Variants in TBC1D8 observed in about 807,000 individuals in gnomAD.
TBC1D8 encodes BUB2-like protein 1.
Under a neutral mutation model 118.8 loss-of-function variants are expected in TBC1D8, and 65 were observed. The ratio of observed to expected loss-of-function variants is 0.55; its 90% CI spans 0.45 to 0.67. The LOEUF (loss-of-function observed/expected upper bound fraction) is 0.67, where lower values mean the gene tolerates loss of function less well. TBC1D8 is among the 30% of genes least tolerant of loss of function. The pLI, the probability that TBC1D8 is intolerant of heterozygous loss-of-function variation, is 0.00. For missense variants in TBC1D8, 1,376 were observed against 1,471.2 expected (o/e 0.94, Z 1.06); for synonymous variants, 566 against 595.8 (o/e 0.95, Z 0.73).
At chr2:101,044,263 A>G (rs1245860697) in intron 5 of TBC1D8, among the ~76,000 whole-genome samples, 1 of 152,234 alleles carries the variant, frequency 6.6e-6, no homozygotes, top group African/African-American at 2.4e-5. Flanking sequence ...CAATTTCACC[A>G]TTCGTTAAAT....
At chr2:101,037,284 C>T (rs1014125298) in intron 8 of TBC1D8, among the ~76,000 whole-genome samples, 1 of 152,232 alleles carries the variant, frequency 6.6e-6, no homozygotes, top group Non-Finnish European at 1.5e-5. Context: ...CAAGGGGCAG[C>T]GCGGCCAGCT....
chr2:101,011,366 C>T (rs1000395132), intron 18 of TBC1D8, 85 bp downstream of exon 18: 29 of 1,322,060 alleles, frequency 2.2e-5, no homozygotes, highest in Non-Finnish European at 3.2e-5. Context: ...AAGGCTGCTA[C>T]AAGAAGAGGG....
At chr2:101,053,284 C>G (rs1682182624) in intron 4 of TBC1D8, among the ~76,000 whole-genome samples, 1 of 152,138 alleles carries the variant, frequency 6.6e-6, no homozygotes. Flanking sequence ...AGGGCACACT[C>G]CGAGGGTGTG....
chr2:101,067,426 G>C (rs1471410929), intron 2 of TBC1D8, among the ~76,000 whole-genome samples: 1 of 152,218 alleles, frequency 6.6e-6, no homozygotes, highest in Non-Finnish European at 1.5e-5. Context: ...CTTGGAGATA[G>C]TGTGGGTTTG....
intron 2 of TBC1D8, among the ~76,000 whole-genome samples, chr2:101,062,930 G>T (rs527319505): frequency 6.6e-6 from 1 of 152,094 alleles, no homozygotes; most frequent in Non-Finnish European, 1.5e-5. Context: ...GTGAGCCACC[G>T]CGCCCAGCCC....
intron 1 of TBC1D8, among the ~76,000 whole-genome samples, chr2:101,119,598 G>C (rs2104230200): frequency 6.6e-6 from 1 of 152,312 alleles, no homozygotes; most frequent in Admixed American, 6.5e-5. Flanking sequence ...GATGTCATTG[G>C]TTTGGGGTGC....
intron 3 of TBC1D8, among the ~76,000 whole-genome samples, chr2:101,055,623 A>G (rs1682377437): frequency 6.6e-6 from 1 of 152,140 alleles, no homozygotes. Context: ...TGTCCTTCAT[A>G]ATCTGGGGTG....
chr2:101,086,093 G>A (rs1424770285), intron 2 of TBC1D8, among the ~76,000 whole-genome samples: 4 of 148,850 alleles, frequency 2.7e-5, no homozygotes, highest in African/African-American at 7.5e-5. Context: ...AGTGAGCTGG[G>A]ATTGTACCAC....
chr2:101,057,017 T>G (rs950205489), intron 3 of TBC1D8, among the ~76,000 whole-genome samples: 2 of 152,176 alleles, frequency 1.3e-5, no homozygotes, highest in Non-Finnish European at 2.9e-5. Flanking sequence ...CAGCCCTGCC[T>G]CCTCAGGAAT....
At chr2:101,138,875 G>A (rs1241741637) in intron 1 of TBC1D8, among the ~76,000 whole-genome samples, 1 of 152,038 alleles carries the variant, frequency 6.6e-6, no homozygotes, top group Non-Finnish European at 1.5e-5. Context: ...TGGAGGTGGG[G>A]CTGAAATCCC....
chr2:101,120,584 A>T (rs973873056), intron 1 of TBC1D8, among the ~76,000 whole-genome samples: 4 of 152,230 alleles, frequency 2.6e-5, no homozygotes, highest in African/African-American at 9.6e-5. Flanking sequence ...ACAGGCAGGA[A>T]AAAGCCAGCC....
Position 101,038,502 on chromosome 2 carries a change from T to C in TBC1D8, c.1234A>G (p.Asn412Asp). The C allele has an allele frequency of 6.2e-7, 1 of 1,613,730 alleles. No homozygotes were observed. ...GAGGTGTCGTAGTGCACGGGGTGGT[T>C]GGCGTGGACCTGCTTCAACCTCGCA... ...LLARLKQVHA[N>D]HPVHYDTSAD... The change falls in exon 7 of 20, where the codon AAC becomes GAC. Residue 412 changes from asparagine (N) to aspartate (D), a missense_variant. Coordinates refer to ENST00000409318, the MANE Select transcript of TBC1D8 (RefSeq NM_001330348.2).
chr2:101,044,583 C>T (rs1240472878), intron 5 of TBC1D8, among the ~76,000 whole-genome samples: 1 of 152,204 alleles, frequency 6.6e-6, no homozygotes, highest in African/African-American at 2.4e-5. Flanking sequence ...ACATTCAGAA[C>T]GTGGCCACAC....
Position 101,007,717 on chromosome 2 carries a change from T to G in TBC1D8, c.*104A>C, listed in dbSNP as rs565823881. 2 of 1,193,268 alleles carry G rather than the reference T, an allele frequency of 1.7e-6. No individual in the cohort carries two copies. Among genetic ancestry groups the G allele is most frequent in the Non-Finnish European group, 1.2e-6 (1 of 844,858 alleles). 73.9% of individuals were successfully genotyped at this position (1,193,268 alleles called of 1,614,324 possible). A position where few individuals can be genotyped will look rare whatever the true frequency, so the allele number is the denominator to read the frequency against. The stretch of plus-strand genomic sequence containing the variant: ...TCAGGTTGTTTAGCCAGATGCCCCA[T>G]TGGTAAGGTAGACTGAAATCTCGGT... On this transcript the variant is annotated 3_prime_UTR_variant, in exon 20 of 20. Transcript: ENST00000409318.
intron 2 of TBC1D8, among the ~76,000 whole-genome samples, chr2:101,065,609 C>A (rs752234021): frequency 8.5e-5 from 13 of 152,184 alleles, no homozygotes; most frequent in Non-Finnish European, 1.6e-4. Flanking sequence ...ATCATCCCAT[C>A]ATCATGATTT....
chr2:101,112,462 G>A (rs775479465), intron 1 of TBC1D8, among the ~76,000 whole-genome samples: 2 of 152,210 alleles, frequency 1.3e-5, no homozygotes, highest in Non-Finnish European at 2.9e-5. Context: ...AATGGGAGAA[G>A]GAAAACCAAG....
Position 101,079,072 on chromosome 2 carries a change from C to T in TBC1D8, c.283+11137G>A, listed in dbSNP as rs954973631. ...CAGCAAAACTGGCCAAGAAGGAGAG[C>T]TCCAGGCAGCACAAAGTCATGGTGC... is the stretch of plus-strand genomic sequence containing the variant. On this transcript the variant is annotated intron_variant, in intron 2 of 19. Transcript: ENST00000409318. Among the ~76,000 whole-genome samples the T allele has an allele frequency of 2.6e-5, 4 of 152,274 alleles. No individual in the cohort carries two copies. The South Asian group carries it at 6.2e-4, about 24-fold the overall frequency.
chr2:101,034,151 A>G (rs556666016), intron 9 of TBC1D8, among the ~76,000 whole-genome samples: 1 of 152,266 alleles, frequency 6.6e-6, no homozygotes, highest in Admixed American at 6.5e-5. Context: ...GCGACAGAGT[A>G]AGGACTTCAT....
chr2:101,096,796 G>GGAGAGAGAGAGA (rs139584234), intron 1 of TBC1D8, among the ~76,000 whole-genome samples: 8 of 146,502 alleles, frequency 5.5e-5, no homozygotes, highest in Non-Finnish European at 7.5e-5. Flanking sequence ...AGAGAGAGGG[G>GGAGAGAGAGAGA]GAGAGAGAGA....
Sources: allele counts gnomAD v4.1 joint callset (sites outside exome capture counted in the v4.1 genomes callset), GRCh38; gene constraint gnomAD v4.1.1; transcripts MANE v1.5; gene names NCBI Gene and HGNC (gene_info 2026-07-23, HGNC 2026-07-21).